Variants in RBFOX1 observed in about 807,000 individuals in gnomAD.
The protein encoded by RBFOX1 is RNA binding fox-1 homolog 1, also known as RNA binding protein fox-1 homolog 1.
In RBFOX1, 8 loss-of-function variants were observed where a neutral mutation model predicts 57.7. The observed-to-expected ratio is 0.14, with a 90% CI of 0.08 to 0.25. The LOEUF (loss-of-function observed/expected upper bound fraction) is 0.25, where lower values mean the gene tolerates loss of function less well. Ranked by LOEUF, RBFOX1 falls within the 10% of genes least tolerant of loss-of-function variation. The probability of loss-of-function intolerance (pLI) is 1.00; values close to 1 mark genes in which losing one functional copy is unlikely to be tolerated. For synonymous variants in RBFOX1, 326 were observed against 222.4 expected (o/e 1.47, Z -4.15); for missense variants, 611 against 548.5 (o/e 1.11, Z -1.14).
At chr16:6,980,973 G>A (rs7205946) in intron 3 of RBFOX1, among the ~76,000 whole-genome samples, 5,706 of 145,876 alleles carry the variant, frequency 0.039, 381 homozygotes, top group African/African-American at 0.14. Flanking sequence ...AACCTGGGAA[G>A]TGGAGGTTGC....
At chr16:6,884,115 G>C (rs1019307482) in intron 3 of RBFOX1, among the ~76,000 whole-genome samples, 1 of 152,226 alleles carries the variant, frequency 6.6e-6, no homozygotes, top group Admixed American at 6.5e-5. Context: ...CAGAAGAAGA[G>C]AGGCATCTGA....
chr16:5,995,824 A>G lies in RBFOX1; in HGVS notation c.351+128489A>G, dbSNP rs566119412. On this transcript the variant is annotated intron_variant, in intron 4 of 19. Transcript: ENST00000641259. ...CATTTCATTAAGAGGAAAGTGTCTT[A>G]ACCCATTTGGGCTACTGTAACAAAA... Among the ~76,000 whole-genome samples the G allele has an allele frequency of 2.0e-5, 3 of 152,286 alleles. No homozygotes were observed. In the South Asian group the frequency reaches 6.2e-4, roughly 32 times the overall value.
intron 3 of RBFOX1, among the ~76,000 whole-genome samples, chr16:6,878,735 A>G (rs1157703643): frequency 6.6e-6 from 1 of 152,182 alleles, no homozygotes; most frequent in East Asian, 1.9e-4. Context: ...TGGAAACCTG[A>G]TATATCCCAT....
intron 5 of RBFOX1, among the ~76,000 whole-genome samples, chr16:7,572,205 C>A (rs2092852135): frequency 6.6e-6 from 1 of 152,158 alleles, no homozygotes; most frequent in African/African-American, 2.4e-5. Flanking sequence ...GGGACTTAAC[C>A]ATTCACAAAG....
At chr16:6,745,075 A>G (rs981629907) in intron 3 of RBFOX1, among the ~76,000 whole-genome samples, 2 of 152,100 alleles carry the variant, frequency 1.3e-5, no homozygotes, top group Admixed American at 1.3e-4. Context: ...TGATATTAAG[A>G]TTTAAGGGTG....
In RBFOX1 at chr16:6,476,517, A is replaced by G. The variant is rs1391316371; in HGVS notation, c.-64+159460A>G. On this transcript the variant is annotated intron_variant, in intron 2 of 15. Coordinates refer to ENST00000550418, the MANE Select transcript of RBFOX1 (RefSeq NM_018723.4). ...TAAGTGTGCAATAGCATTGTATCTA[A>G]AAAACGACGTGCATACCTTAATTTA... Among the ~76,000 whole-genome samples, 4 of 152,348 alleles carry G rather than the reference A, an allele frequency of 2.6e-5. No homozygotes were observed. The South Asian group carries it at 6.2e-4, about 24-fold the overall frequency.
chr16:5,565,341 C>A (rs1354396833), intron 2 of RBFOX1, among the ~76,000 whole-genome samples: 2 of 152,126 alleles, frequency 1.3e-5, no homozygotes, highest in Non-Finnish European at 2.9e-5. Context: ...ATTTGCAAGT[C>A]ATGGCCGGGC....
intron 4 of RBFOX1, among the ~76,000 whole-genome samples, chr16:7,269,835 G>A (rs1167943214): frequency 6.6e-6 from 1 of 152,182 alleles, no homozygotes; most frequent in Non-Finnish European, 1.5e-5. Flanking sequence ...TAGATTTTAT[G>A]TTGCTTTTTG....
At chr16:5,575,987 T>C (rs1214867154) in intron 2 of RBFOX1, among the ~76,000 whole-genome samples, 2 of 92,060 alleles carry the variant, frequency 2.2e-5, no homozygotes, top group African/African-American at 7.0e-5. Flanking sequence ...AATTTTCATC[T>C]TTTTTTTTTC....
At chr16:6,769,122 G>T (rs934758992) in intron 3 of RBFOX1, among the ~76,000 whole-genome samples, 3 of 152,152 alleles carry the variant, frequency 2.0e-5, no homozygotes, top group Non-Finnish European at 4.4e-5. Context: ...TGAGGGACTG[G>T]GTGGGAGTTA....
chr16:7,040,784 T>C (rs35515331), intron 3 of RBFOX1, among the ~76,000 whole-genome samples: 14,344 of 152,300 alleles, frequency 0.094, 1,105 homozygotes, highest in East Asian at 0.32. Context: ...CCTGAAATCA[T>C]TCATTTTCTA....
At chr16:6,496,858 G>A (rs1001376028) in intron 2 of RBFOX1, among the ~76,000 whole-genome samples, 1 of 152,120 alleles carries the variant, frequency 6.6e-6, no homozygotes, top group African/African-American at 2.4e-5. Flanking sequence ...TACTCGGGAG[G>A]CTGAGGCAGG....
At chr16:7,045,898 T>C (rs1341319495) in intron 3 of RBFOX1, among the ~76,000 whole-genome samples, 1 of 152,218 alleles carries the variant, frequency 6.6e-6, no homozygotes, top group Non-Finnish European at 1.5e-5. Flanking sequence ...CCTCAGATGA[T>C]CTGCCCACCT....
chr16:6,578,053 T>A (rs1019416908), intron 2 of RBFOX1, among the ~76,000 whole-genome samples: 2 of 152,184 alleles, frequency 1.3e-5, no homozygotes, highest in African/African-American at 4.8e-5. Context: ...AAAATTACTT[T>A]TCTGTGTTAC....
chr16:6,780,317 T>A (rs182425211), intron 3 of RBFOX1, among the ~76,000 whole-genome samples: 47,422 of 76,668 alleles, frequency 0.62, 15,330 homozygotes, highest in East Asian at 0.84. Context: ...ATATATTTAT[T>A]CATATTTATA....
intron 1 of RBFOX1, among the ~76,000 whole-genome samples, chr16:6,108,574 C>A (rs1227628955): frequency 3.3e-5 from 5 of 152,242 alleles, no homozygotes; most frequent in Admixed American, 3.3e-4. Flanking sequence ...ATATGGTGAG[C>A]TTATAAATGT....
At chr16:6,598,732 G>A (rs1179222802) in intron 2 of RBFOX1, among the ~76,000 whole-genome samples, 1 of 152,204 alleles carries the variant, frequency 6.6e-6, no homozygotes, top group Admixed American at 6.5e-5. Context: ...CAGATCACGA[G>A]GTTGGGAGTT....
chr16:7,595,233 CTG>C (rs1433178665), intron 7 of RBFOX1, among the ~76,000 whole-genome samples: 1 of 152,150 alleles, frequency 6.6e-6, no homozygotes, highest in African/African-American at 2.4e-5. Flanking sequence ...TGTGAAGACA[CTG>C]TAAATTTATT....
chr16:7,056,177 A>T (rs1188880014), intron 4 of RBFOX1, among the ~76,000 whole-genome samples: 1 of 152,010 alleles, frequency 6.6e-6, no homozygotes, highest in East Asian at 1.9e-4. Context: ...CCTGTCCCCT[A>T]CCCTTCCCCA....
Sources: gnomAD v4.1 joint callset for allele counts (sites outside exome capture counted in the v4.1 genomes callset) on GRCh38, gnomAD v4.1.1 for gene constraint, MANE v1.5 for transcripts, NCBI Gene and HGNC (gene_info 2026-07-23, HGNC 2026-07-21) for gene names.